Variants in COL28A1 observed in about 807,000 individuals in gnomAD.
COL28A1 encodes the protein collagen alpha-1(XXVIII) chain.
Under a neutral mutation model 150.2 loss-of-function variants are expected in COL28A1, and 161 were observed. That is an observed-to-expected ratio of 1.07 (90% CI 0.94 to 1.22). COL28A1 has a LOEUF of 1.22. Among genes scored for constraint, COL28A1 ranks in the 50% most tolerant of loss-of-function variants. The pLI is 0.00. For synonymous variants in COL28A1, 552 were observed against 469.7 expected (o/e 1.18, Z -2.26); for missense variants, 1,617 against 1,388.3 (o/e 1.16, Z -2.62).
chr7:7,483,712 C>T (rs557752447), intron 13 of COL28A1, among the ~76,000 whole-genome samples: 10 of 151,880 alleles, frequency 6.6e-5, no homozygotes, highest in East Asian at 3.9e-4. Context: ...ACTAACACAA[C>T]GTAAACTTCC....
the COL28A1 span, among the ~76,000 whole-genome samples, chr7:7,542,932 T>C: frequency 2.6e-5 from 4 of 152,096 alleles, 1 homozygote; most frequent in South Asian, 8.3e-4. Context: ...CCTAGGAAAG[T>C]GGAAGAAATG....
chr7:7,423,801 T>C (rs761107284), intron 25 of COL28A1, among the ~76,000 whole-genome samples: 8 of 152,120 alleles, frequency 5.3e-5, no homozygotes, highest in Non-Finnish European at 8.8e-5. Context: ...CAATGCTCAG[T>C]GTTGCTATTC....
At chr7:7,539,008 C>T (rs531182764), upstream of COL28A1, among the ~76,000 whole-genome samples, 7 of 151,338 alleles carry the variant, frequency 4.6e-5, no homozygotes, top group South Asian at 1.5e-3. Context: ...AGTAGAAAAG[C>T]TTGATATAGT....
At chr7:7,352,780 T>A (rs148704475), downstream of COL28A1, among the ~76,000 whole-genome samples, 6 of 152,156 alleles carry the variant, frequency 3.9e-5, no homozygotes, top group Non-Finnish European at 5.9e-5. Context: ...AGCCACCAAA[T>A]CTGTAGTAAT....
Position 7,432,459 on chromosome 7 carries a change from C to G in COL28A1, c.1998+14G>C. Reference sequence around the variant, plus strand: ...CTCTTAGAAGCTAGTACGTTGCCTACTTTAAAGTCTTACCTTTGCTCCAGT... The same window carrying G: ...CTCTTAGAAGCTAGTACGTTGCCTAGTTTAAAGTCTTACCTTTGCTCCAGT... On this transcript the variant is annotated intron_variant, in intron 25 of 34. Transcript: ENST00000399429. 3 of 1,613,130 alleles carry G rather than the reference C, an allele frequency of 1.9e-6. No individual in the cohort carries two copies.
chr7:7,491,550 G>T (rs1779915065), intron 11 of COL28A1, among the ~76,000 whole-genome samples: 1 of 152,212 alleles, frequency 6.6e-6, no homozygotes, highest in South Asian at 2.1e-4. Flanking sequence ...CAAGATTTCT[G>T]TTACTCAAAG....
At chr7:7,386,261 G>A (rs747698804) in intron 27 of COL28A1, among the ~76,000 whole-genome samples, 10 of 152,006 alleles carry the variant, frequency 6.6e-5, no homozygotes, top group Non-Finnish European at 1.3e-4. Flanking sequence ...TTTTTCTTTC[G>A]AAATGTTTTC....
At chr7:7,528,003 G>GA (rs940705753) in intron 3 of COL28A1, among the ~76,000 whole-genome samples, 5 of 151,978 alleles carry the variant, frequency 3.3e-5, no homozygotes, top group African/African-American at 9.7e-5. Flanking sequence ...AGGAAGTCTT[G>GA]AAAAAATGGA....
At chr7:7,473,440 C>G (rs1388360337) in intron 15 of COL28A1, among the ~76,000 whole-genome samples, 1 of 152,178 alleles carries the variant, frequency 6.6e-6, no homozygotes, top group Non-Finnish European at 1.5e-5. Context: ...AAAAAATGCT[C>G]AACATCACTA....
chr7:7,487,568 ACT>A (rs1779695899), intron 13 of COL28A1, among the ~76,000 whole-genome samples: 2 of 152,130 alleles, frequency 1.3e-5, no homozygotes, highest in South Asian at 4.1e-4. Flanking sequence ...ACAGAGCAAG[ACT>A]CTCTTAAAAA....
chr7:7,523,696 T>G (rs547894397), intron 4 of COL28A1, among the ~76,000 whole-genome samples: 2 of 152,288 alleles, frequency 1.3e-5, no homozygotes, highest in African/African-American at 4.8e-5. Context: ...GATTATCTAT[T>G]GTGCTAAGGC....
At chr7:7,402,200 T>C (rs900283810) in intron 27 of COL28A1, among the ~76,000 whole-genome samples, 9 of 152,236 alleles carry the variant, frequency 5.9e-5, no homozygotes, top group South Asian at 2.1e-4. Context: ...TTACTAAGAT[T>C]AGTTCCAGCT....
In COL28A1 at chr7:7,519,991, A is replaced by G; in HGVS notation, c.813+71T>C. On this transcript the variant is annotated intron_variant, in intron 6 of 34. Transcript: ENST00000399429. ...TATACTACAATGCTTTTTATTTTTAAAATTGTTGTTTTAAAAAAAAAGTCT... is the reference window on the plus strand; with the variant it reads ...TATACTACAATGCTTTTTATTTTTAGAATTGTTGTTTTAAAAAAAAAGTCT... The G allele has an allele frequency of 3.7e-6, 3 of 800,530 alleles. No individual in the cohort carries two copies. The South Asian group carries it at 4.9e-5, about 13-fold the overall frequency. 49.6% of individuals were successfully genotyped at this position (800,530 alleles called of 1,614,324 possible).
chr7:7,461,702 C>A (rs1205455223), intron 15 of COL28A1, among the ~76,000 whole-genome samples: 18 of 152,260 alleles, frequency 1.2e-4, no homozygotes, highest in Admixed American at 1.2e-3. Flanking sequence ...GGGAACCTCT[C>A]CCTTACCCCC....
chr7:7,474,722 A>G (rs1788728153), intron 14 of COL28A1, 53 bp from the exon 15 acceptor site: 1 of 851,282 alleles, frequency 1.2e-6, no homozygotes, highest in Non-Finnish European at 2.0e-6. Context: ...TGAATTTTAA[A>G]AGAGTTTACA....
chr7:7,404,305 C>A (rs1475718528), intron 27 of COL28A1, among the ~76,000 whole-genome samples: 1 of 151,748 alleles, frequency 6.6e-6, no homozygotes, highest in Non-Finnish European at 1.5e-5. Context: ...AGAGTGACTG[C>A]CCCCAGGAGA....
At chr7:7,348,542 A>G in the COL28A1 span, among the ~76,000 whole-genome samples, 2 of 152,088 alleles carry the variant, frequency 1.3e-5, no homozygotes, top group African/African-American at 4.8e-5. Context: ...TTGAGCTATA[A>G]ATGACACACA....
the COL28A1 span, among the ~76,000 whole-genome samples, chr7:7,541,963 T>G: frequency 6.6e-6 from 1 of 150,384 alleles, no homozygotes; most frequent in Non-Finnish European, 1.5e-5. Context: ...AATTAAGTAA[T>G]CACATATCTA....
intron 4 of COL28A1, among the ~76,000 whole-genome samples, chr7:7,522,345 T>C (rs1180441515): frequency 1.3e-5 from 2 of 152,186 alleles, no homozygotes; most frequent in African/African-American, 4.8e-5. Context: ...TTCTCTTCTA[T>C]ATAACACATC....
Sources: gnomAD v4.1 joint callset for allele counts (sites outside exome capture counted in the v4.1 genomes callset) on GRCh38, gnomAD v4.1.1 for gene constraint, MANE v1.5 for transcripts, NCBI Gene and HGNC (gene_info 2026-07-23, HGNC 2026-07-21) for gene names.